MACROD1: variants seen among roughly 807,000 people sequenced by gnomAD.
The protein encoded by MACROD1 is ADP-ribose glycohydrolase MACROD1.
Under a neutral mutation model 41.4 loss-of-function variants are expected in MACROD1, and 31 were observed. The ratio of observed to expected loss-of-function variants is 0.75; its 90% CI spans 0.56 to 1.01. The LOEUF (loss-of-function observed/expected upper bound fraction) is 1.01. Among genes scored for constraint, MACROD1 ranks in the 50% least tolerant of loss-of-function variants. The probability of loss-of-function intolerance (pLI) is 0.00; values close to 1 mark genes in which losing one functional copy is unlikely to be tolerated. For missense variants in MACROD1, 473 were observed against 460.0 expected, an observed-to-expected ratio of 1.03 and a Z score of -0.26; for synonymous variants, 252 against 203.4, an observed-to-expected ratio of 1.24 and a Z score of -2.03.
intron 1 of MACROD1, among the ~76,000 whole-genome samples, chr11:64,161,709 G>A (rs193194595): frequency 3.3e-5 from 5 of 152,128 alleles, no homozygotes; most frequent in Middle Eastern, 3.4e-3. Context: ...TGCGGTGGGC[G>A]GATTGCTTGA....
At chr11:64,070,733 C>G (rs1184358070) in intron 3 of MACROD1, among the ~76,000 whole-genome samples, 1 of 152,240 alleles carries the variant, frequency 6.6e-6, no homozygotes, top group Non-Finnish European at 1.5e-5. Context: ...CAGCTGCCTG[C>G]TCCTCCCGCT....
chr11:64,058,836 C>T (rs762601139), intron 3 of MACROD1, among the ~76,000 whole-genome samples: 21 of 152,032 alleles, frequency 1.4e-4, no homozygotes, highest in Non-Finnish European at 2.2e-4. Flanking sequence ...AGAGGGCAGC[C>T]GGCAAGGGGG....
chr11:64,117,958 T>G, intron 3 of MACROD1: 1 of 1,613,606 alleles, frequency 6.2e-7, no homozygotes, highest in Non-Finnish European at 8.5e-7. Flanking sequence ...GTGGCTCTGG[T>G]CTTCCTCTTC....
intron 3 of MACROD1, among the ~76,000 whole-genome samples, chr11:64,020,865 C>T (rs772432782): frequency 3.3e-5 from 5 of 152,132 alleles, no homozygotes; most frequent in African/African-American, 7.2e-5. Flanking sequence ...AGTCTAGGTG[C>T]GAGCCACCAT....
chr11:64,060,081 G>A (rs1420156243), intron 3 of MACROD1, among the ~76,000 whole-genome samples: 6 of 152,228 alleles, frequency 3.9e-5, no homozygotes, highest in African/African-American at 1.4e-4. Flanking sequence ...GACCAATTAA[G>A]CTGCCAATAA....
At chr11:64,114,055 C>CATGG (rs61724501) in intron 3 of MACROD1, among the ~76,000 whole-genome samples, 3,396 of 98,080 alleles carry the variant, frequency 0.035, 54 homozygotes, top group African/African-American at 0.043. Context: ...TGGGTTGATG[C>CATGG]ATGGATGGAT....
At chr11:64,078,678 G>A (rs1348300349) in intron 3 of MACROD1, among the ~76,000 whole-genome samples, 1 of 152,174 alleles carries the variant, frequency 6.6e-6, no homozygotes, top group African/African-American at 2.4e-5. Context: ...TCTTCACCGA[G>A]CTTTGAGGTG....
chr11:64,049,060 C>G (rs2134407154), intron 3 of MACROD1, among the ~76,000 whole-genome samples: 1 of 139,272 alleles, frequency 7.2e-6, no homozygotes, highest in South Asian at 2.3e-4. Context: ...CATATTTGTC[C>G]TTCAGGGGGT....
At chr11:64,050,766 A>C (rs923151340) in intron 3 of MACROD1, among the ~76,000 whole-genome samples, 8 of 152,190 alleles carry the variant, frequency 5.3e-5, no homozygotes, top group African/African-American at 1.9e-4. Flanking sequence ...TTACAGGCGC[A>C]TGCCATAATA....
intron 4 of MACROD1, among the ~76,000 whole-genome samples, chr11:64,000,742 G>C (rs320155): frequency 1.3e-5 from 2 of 152,064 alleles, no homozygotes; most frequent in African/African-American, 2.4e-5. Flanking sequence ...GCCCTGTCCC[G>C]GGCGCGCTGC....
intron 3 of MACROD1, among the ~76,000 whole-genome samples, chr11:64,086,245 T>A (rs1944392860): frequency 6.6e-6 from 1 of 151,256 alleles, no homozygotes; most frequent in African/African-American, 2.4e-5. Flanking sequence ...AGGTCTTGCA[T>A]TCGGGGCCAG....
chr11:64,038,488 G>A (rs1943424902), intron 3 of MACROD1, among the ~76,000 whole-genome samples: 1 of 152,208 alleles, frequency 6.6e-6, no homozygotes, highest in Middle Eastern at 3.2e-3. Flanking sequence ...GGTGTTGAGG[G>A]ACGGAGAGGT....
rs980632454 is a variant in MACROD1 at position 64,096,956 on chromosome 11, C to T, written c.517+54283G>A. ...GTCCCCCGCTCACCCACTCTCTCAG[C>T]GTCTGGGCCCGGGAGTTCCTGCCTA... On this transcript the variant is annotated intron_variant, in intron 3 of 10. Coordinates refer to ENST00000255681, the MANE Select transcript of MACROD1 (RefSeq NM_014067.4). The surrounding 1 kb of genome is among the most constrained non-coding windows in gnomAD (Gnocchi z 4.6). Among the ~76,000 whole-genome samples, 3 of 152,230 alleles carry T rather than the reference C, an allele frequency of 2.0e-5. No homozygotes were observed. Among genetic ancestry groups the T allele is most frequent in the African/African-American group, 4.8e-5 (2 of 41,472 alleles).
intron 3 of MACROD1, among the ~76,000 whole-genome samples, chr11:64,051,623 C>T (rs144406646): frequency 4.1e-4 from 63 of 152,284 alleles, no homozygotes; most frequent in African/African-American, 1.3e-3. Context: ...CTGCGTGGAG[C>T]GGGCAGTGGG....
chr11:64,142,165 G>A (rs1309734096), intron 3 of MACROD1, among the ~76,000 whole-genome samples: 1 of 152,174 alleles, frequency 6.6e-6, no homozygotes, highest in Non-Finnish European at 1.5e-5. Flanking sequence ...GGACTTAGAG[G>A]GTGTCACTGA....
intron 3 of MACROD1, chr11:64,116,106 G>A (rs781752514): frequency 3.7e-5 from 42 of 1,130,094 alleles, no homozygotes; most frequent in South Asian, 2.9e-4. Flanking sequence ...CCGCAGGACC[G>A]GACTTCGGTC....
chr11:64,149,006 G>A (rs893671593), intron 3 of MACROD1: 9 of 985,252 alleles, frequency 9.1e-6, no homozygotes, highest in Middle Eastern at 5.2e-4. Flanking sequence ...GATTCCAGGC[G>A]GGTACCGGGT....
chr11:64,055,727 G>A (rs1943773246), intron 3 of MACROD1, among the ~76,000 whole-genome samples: 1 of 152,220 alleles, frequency 6.6e-6, no homozygotes, highest in Non-Finnish European at 1.5e-5. Flanking sequence ...GATGGGCCAT[G>A]GGAGGGAGTG....
intron 3 of MACROD1, among the ~76,000 whole-genome samples, chr11:64,063,769 A>G (rs893941800): frequency 5.3e-5 from 8 of 152,194 alleles, no homozygotes; most frequent in African/African-American, 1.9e-4. Context: ...GCTGTCAGCC[A>G]GCAATCATGC....
Sources: allele counts gnomAD v4.1 joint callset (sites outside exome capture counted in the v4.1 genomes callset), GRCh38; gene constraint gnomAD v4.1.1; non-coding constraint Gnocchi (gnomAD v3.1); transcripts MANE v1.5; gene names NCBI Gene and HGNC (gene_info 2026-07-23, HGNC 2026-07-21).